Variants in HSPA13 observed in about 807,000 individuals in gnomAD.
HSPA13 encodes the protein heat shock protein family A (Hsp70) member 13.
Under a neutral mutation model 38.8 loss-of-function variants are expected in HSPA13, and 29 were observed. The observed-to-expected ratio is 0.75, with a 90% confidence interval of 0.56 to 1.02. The LOEUF (loss-of-function observed/expected upper bound fraction) is 1.02. HSPA13 is among the 50% of genes least tolerant of loss of function. The pLI is 0.00. For missense variants in HSPA13, 451 were observed against 560.9 expected, an observed-to-expected ratio of 0.80 and a Z score of 1.98; for synonymous variants, 192 against 205.3, an observed-to-expected ratio of 0.94 and a Z score of 0.56.
At chr21:14,376,045 T>A (rs564789730) in intron 3 of HSPA13, among the ~76,000 whole-genome samples, 1 of 152,218 alleles carries the variant, frequency 6.6e-6, no homozygotes, top group Non-Finnish European at 1.5e-5. Context: ...AGAAATAAAA[T>A]CCAAGGTTCA....
At chr21:14,382,293 T>C (rs760579072) in intron 1 of HSPA13, among the ~76,000 whole-genome samples, 1 of 151,804 alleles carries the variant, frequency 6.6e-6, no homozygotes, top group Non-Finnish European at 1.5e-5. Context: ...AGACCAGGAA[T>C]AGCAGATGCC....
intron 4 of HSPA13, among the ~76,000 whole-genome samples, chr21:14,375,450 C>G (rs923108458): frequency 1.7e-4 from 26 of 151,180 alleles, no homozygotes; most frequent in Non-Finnish European, 2.9e-4. Context: ...TTAAAGAAAG[C>G]ACTGCCCAAA....
chr21:14,382,950 C>G (rs1984210091), intron 1 of HSPA13, 145 bp downstream of exon 1: 2 of 1,025,098 alleles, frequency 2.0e-6, no homozygotes, highest in African/African-American at 1.6e-5. Flanking sequence ...TCCGAACAGC[C>G]GAAAACCGTC....
rs747937236 is a variant in HSPA13, at chr21:14,375,768, T to C, written c.632A>G (p.Tyr211Cys). 30 of 1,614,074 alleles carry C rather than the reference T, an allele frequency of 1.9e-5. No individual in the cohort carries two copies. Among genetic ancestry groups the C allele is most frequent in the East Asian group, 6.7e-5 (3 of 44,872 alleles). Residue 211 changes from tyrosine (Y) to cysteine (C), a missense_variant, in exon 4 of 5, where the codon TAT becomes TGT. By Grantham distance (194) the Tyr-to-Cys change is radical. Transcript: ENST00000285667. ...INEPTAAAMA[Y>C]GLHKADVFHV... Reference sequence around the variant, plus strand: ...GAAGACGTCAGCCTTGTGGAGACCATAGGCCATAGCTGCTGCTGTGGGTTC... The same window carrying C: ...GAAGACGTCAGCCTTGTGGAGACCACAGGCCATAGCTGCTGCTGTGGGTTC...
rs560274635 is a variant in HSPA13 at position 14,379,828 on chromosome 21, C to T, written c.366+1375G>A. ...GTCTATTTTGAAACTAAATAATGGCCGGCATGGTGAAATCCCGTCTCTACT... is the reference window on the plus strand; with the variant it reads ...GTCTATTTTGAAACTAAATAATGGCTGGCATGGTGAAATCCCGTCTCTACT... On this transcript the variant is annotated intron_variant, in intron 2 of 4. Coordinates refer to ENST00000285667, the MANE Select transcript of HSPA13 (RefSeq NM_006948.5). Among the ~76,000 whole-genome samples, 140 of 151,920 alleles carry T rather than the reference C, an allele frequency of 9.2e-4. 1 individual carries two copies. Among genetic ancestry groups the T allele is most frequent in the Non-Finnish European group, 1.5e-3 (101 of 67,956 alleles).
At chr21:14,382,831 C>T (rs780454419) in intron 1 of HSPA13, among the ~76,000 whole-genome samples, 9 of 152,124 alleles carry the variant, frequency 5.9e-5, no homozygotes, top group Non-Finnish European at 1.2e-4. Context: ...TTGAAAGGAA[C>T]GCCTCCCTAA....
chr21:14,378,776 T>C (rs1984095265), intron 2 of HSPA13, among the ~76,000 whole-genome samples: 1 of 151,930 alleles, frequency 6.6e-6, no homozygotes, highest in South Asian at 2.1e-4. Context: ...CGTGCCACCA[T>C]GCCTGGTTAA....
Position 14,373,932 on chromosome 21 carries a change from C to T in HSPA13, c.1101G>A (p.Arg367=). ...SQVLFETEIS[R]KLFDTLNEDL... ...CTTCATTAAGGGTATCAAAGAGTTT[C>T]CGTGATATTTCTGTTTCAAATAAAA... The change falls in exon 5 of 5, where the codon CGG becomes CGA. Residue 367 remains arginine, a synonymous_variant. Coordinates refer to ENST00000285667, the MANE Select transcript of HSPA13 (RefSeq NM_006948.5). 6.2e-7 allele frequency: 1 copy of T among 1,614,160 alleles called. No individual in the cohort carries two copies.
chr21:14,381,645 A>G (rs957186274), intron 1 of HSPA13, 102 bp from the exon 2 acceptor site: 3 of 1,095,202 alleles, frequency 2.7e-6, no homozygotes, highest in Admixed American at 3.2e-5. Context: ...AAACAAGGCT[A>G]AAAAAGACAA....
At position 14,381,273 on chromosome 21, in the gene HSPA13, GCATCATA is replaced by G; in HGVS notation, c.289_295del (p.Tyr97ProfsTer5). ...AAAAATCTTGCCTATGAATCTTTTG[GCATCATA>G]TATTGTGTTTTGAGGATTTGAATCT... On this transcript the variant is annotated frameshift_variant, in exon 2 of 5. Coordinates refer to ENST00000285667, the MANE Select transcript of HSPA13 (RefSeq NM_006948.5). LOFTEE classifies it high-confidence loss of function. 1.9e-6 allele frequency: 3 copies of G among 1,612,648 alleles called. No individual in the cohort carries two copies. The highest frequency in any genetic ancestry group is 2.5e-6 in the Non-Finnish European group (3 of 1,179,058).
At chr21:14,381,799 T>C (rs1047326009) in intron 1 of HSPA13, among the ~76,000 whole-genome samples, 1 of 152,208 alleles carries the variant, frequency 6.6e-6, no homozygotes, top group African/African-American at 2.4e-5. Flanking sequence ...TGTCATTCTC[T>C]AATAAATGTA....
In HSPA13 at chr21:14,378,331, G is replaced by C; in HGVS notation, c.448C>G (p.Arg150Gly). ...ITVSPEYVGS[R>G]LLLKLKEMAE... ...ATTTCCTTTAACTTCAACAATAGTCGAGAGCCAACATATTCTGGGGACACT... is the reference window on the plus strand; with the variant it reads ...ATTTCCTTTAACTTCAACAATAGTCCAGAGCCAACATATTCTGGGGACACT... Residue 150 changes from arginine (R) to glycine (G), a missense_variant, in exon 3 of 5, where the codon CGA (arginine) becomes GGA (glycine). Transcript: ENST00000285667. 1 of 1,613,898 alleles carries C rather than the reference G, an allele frequency of 6.2e-7. No homozygotes were observed. Among genetic ancestry groups the C allele is most frequent in the Non-Finnish European group, 8.5e-7 (1 of 1,179,854 alleles).
At position 14,374,192 on chromosome 21, in the gene HSPA13, TA is replaced by T; in HGVS notation, c.840del (p.Arg281GlyfsTer8). 1.2e-6 allele frequency: 2 copies of T among 1,613,522 alleles called. No individual in the cohort carries two copies. On this transcript the variant is annotated frameshift_variant, in exon 5 of 5. Coordinates refer to ENST00000285667, the MANE Select transcript of HSPA13 (RefSeq NM_006948.5). LOFTEE classifies it high-confidence loss of function. ...QIYQTYGFVP[S>X]RKEEIHRLRQ... The stretch of plus-strand genomic sequence containing the variant: ...CTCAATCTGTGGATTTCCTCTTTCC[TA>T]GAGGGCACGAAGCCATATGTTTGAT...
At chr21:14,378,143 G>T in intron 3 of HSPA13, 56 bp downstream of exon 3, 1 of 1,380,338 alleles carries the variant, frequency 7.2e-7, no homozygotes, top group Non-Finnish European at 1.0e-6. Flanking sequence ...ACTACAGAAG[G>T]TTTTCAACCC....
At chr21:14,374,587 A>C (rs1983972882) in intron 4 of HSPA13, among the ~76,000 whole-genome samples, 1 of 152,186 alleles carries the variant, frequency 6.6e-6, no homozygotes, top group Non-Finnish European at 1.5e-5. Context: ...AATAAATAAA[A>C]ATTTAAAAAA....
At chr21:14,380,320 G>T (rs1984136610) in intron 2 of HSPA13, among the ~76,000 whole-genome samples, 1 of 148,266 alleles carries the variant, frequency 6.7e-6, no homozygotes, top group African/African-American at 2.5e-5. Flanking sequence ...ATATAATGAA[G>T]GTCTTTTATA....
intron 2 of HSPA13, among the ~76,000 whole-genome samples, chr21:14,378,817 A>G (rs969895494): frequency 1.3e-5 from 2 of 151,854 alleles, no homozygotes; most frequent in Non-Finnish European, 2.9e-5. Context: ...ACAGGGTTTC[A>G]CTATGTTGGC....
At chr21:14,381,608 G>T in intron 1 of HSPA13, 65 bp from the exon 2 acceptor site, 1 of 1,327,414 alleles carries the variant, frequency 7.5e-7, no homozygotes, top group Non-Finnish European at 1.0e-6. Flanking sequence ...AATTACTGTA[G>T]CAAAGTCCCT....
At position 14,373,168 on chromosome 21, in the gene HSPA13, A is replaced by G. The variant is rs1241635313; in HGVS notation, c.*449T>C. The stretch of plus-strand genomic sequence containing the variant: ...CTTCCAACCACTGTAAATACCTGAC[A>G]TCAACACGGTCCTTCAAGTATAGTT... On this transcript the variant is annotated 3_prime_UTR_variant, in exon 5 of 5. Coordinates refer to ENST00000285667, the MANE Select transcript of HSPA13 (RefSeq NM_006948.5). 1 of 158,102 alleles carries G rather than the reference A, an allele frequency of 6.3e-6. No individual in the cohort carries two copies. Among genetic ancestry groups the G allele is most frequent in the African/African-American group, 2.4e-5 (1 of 41,506 alleles). 9.8% of individuals were successfully genotyped at this position (158,102 alleles called of 1,614,324 possible).
Sources: gnomAD v4.1 joint callset for allele counts (sites outside exome capture counted in the v4.1 genomes callset) on GRCh38, gnomAD v4.1.1 for gene constraint, MANE v1.5 for transcripts, NCBI Gene and HGNC (gene_info 2026-07-23, HGNC 2026-07-21) for gene names.